Variants in FAT4 observed in about 807,000 individuals in gnomAD.
FAT4 encodes the protein FAT atypical cadherin 4.
In FAT4, 84 loss-of-function variants were observed where a neutral mutation model predicts 303.9. The ratio of observed to expected loss-of-function variants is 0.28; its 90% CI spans 0.23 to 0.33. The LOEUF (loss-of-function observed/expected upper bound fraction) is 0.33, where lower values mean the gene tolerates loss of function less well. Ranked by LOEUF, FAT4 falls within the 10% of genes least tolerant of loss-of-function variation. FAT4 has a pLI of 1.00. For missense variants in FAT4, 6,005 were observed against 6,146.8 expected (o/e 0.98, Z 0.77); for synonymous variants, 2,307 against 2,298.8 (o/e 1.00, Z -0.10).
At chr4:125,336,047 T>C (rs190870745) in intron 2 of FAT4, among the ~76,000 whole-genome samples, 66 of 152,214 alleles carry the variant, frequency 4.3e-4, no homozygotes, top group Admixed American at 4.0e-3. Context: ...ATAGCTACTG[T>C]TCATACAAAA....
intron 2 of FAT4, among the ~76,000 whole-genome samples, chr4:125,376,899 T>C (rs1733348127): frequency 6.6e-6 from 1 of 151,928 alleles, no homozygotes; most frequent in Non-Finnish European, 1.5e-5. Flanking sequence ...AATAAATAAA[T>C]AAATAACAAT....
chr4:125,325,153 T>C (rs954141272), intron 2 of FAT4, among the ~76,000 whole-genome samples: 2 of 152,190 alleles, frequency 1.3e-5, no homozygotes, highest in African/African-American at 4.8e-5. Flanking sequence ...TCTTAAGACT[T>C]ACTTGCAGTG....
chr4:125,393,517 A>C (rs868357867), intron 2 of FAT4, among the ~76,000 whole-genome samples: 1 of 152,316 alleles, frequency 6.6e-6, no homozygotes, highest in African/African-American at 2.4e-5. Flanking sequence ...TTGTATGCTG[A>C]AACATTTAAA....
chr4:125,484,935 C>A (rs1395239), intron 16 of FAT4, among the ~76,000 whole-genome samples: 1 of 151,698 alleles, frequency 6.6e-6, no homozygotes. Flanking sequence ...TCACTGCAGC[C>A]TCTGCCTCCT....
At chr4:125,435,260 A>G (rs1725413625) in intron 8 of FAT4, among the ~76,000 whole-genome samples, 1 of 152,166 alleles carries the variant, frequency 6.6e-6, no homozygotes, top group Non-Finnish European at 1.5e-5. Context: ...CCCTTCTTCC[A>G]TATCTATTCT....
At chr4:125,472,922 A>G (rs1411758610) in intron 12 of FAT4, among the ~76,000 whole-genome samples, 1 of 152,164 alleles carries the variant, frequency 6.6e-6, no homozygotes, top group Non-Finnish European at 1.5e-5. Context: ...AGAAAACAAC[A>G]GAAGTATTGT....
At chr4:125,477,823 T>C (rs2126084313) in intron 14 of FAT4, among the ~76,000 whole-genome samples, 1 of 152,246 alleles carries the variant, frequency 6.6e-6, no homozygotes, top group Non-Finnish European at 1.5e-5. Context: ...TGATTATTAA[T>C]TAGGTTTCTA....
intron 7 of FAT4, among the ~76,000 whole-genome samples, chr4:125,416,897 G>A (rs1254158303): frequency 6.6e-6 from 1 of 150,792 alleles, no homozygotes; most frequent in Non-Finnish European, 1.5e-5. Context: ...AGTGAGCCGA[G>A]ATCACACCAC....
At chr4:125,427,569 A>AG (rs1553924993) in intron 7 of FAT4, among the ~76,000 whole-genome samples, 1 of 151,976 alleles carries the variant, frequency 6.6e-6, no homozygotes, top group Non-Finnish European at 1.5e-5. Context: ...TGTTTTATGT[A>AG]TTTTTTGTAT....
intron 7 of FAT4, among the ~76,000 whole-genome samples, chr4:125,430,418 G>A (rs1224433344): frequency 6.6e-6 from 1 of 152,148 alleles, no homozygotes; most frequent in African/African-American, 2.4e-5. Context: ...GCAAGATGTT[G>A]TAGTGGGATG....
rs1411150650 is a variant in FAT4, at chr4:125,446,432, C to T, written c.7339C>T (p.Pro2447Ser). 1.9e-6 allele frequency: 3 copies of T among 1,613,510 alleles called. No individual in the cohort carries two copies. In the South Asian group the frequency reaches 3.3e-5, roughly 18 times the overall value. Residue 2447 changes from proline (P) to serine (S), a missense_variant, in exon 9 of 18, where the codon CCT becomes TCT. Pro to Ser is a moderately conservative substitution (Grantham distance 74). Transcript: ENST00000394329. ...CTGCAGTGATGCGGGATCCCCAGAG[C>T]CTCTTTCCAGTTCCACCAGTGTGCT... ...VVCSDAGSPE[P>S]LSSSTSVLVT...
In FAT4 at chr4:125,316,627, C is replaced by T. The variant is rs749374178; in HGVS notation, c.216C>T (p.Tyr72=). Residue 72 remains tyrosine (Y), a synonymous_variant, in exon 2 of 18, where the codon TAC becomes TAT. Coordinates refer to ENST00000394329, the MANE Select transcript of FAT4 (RefSeq NM_001291303.3). This position sits in a 1 kb window ranked among gnomAD's most constrained non-coding sequence, Gnocchi z 5.7. ...GTIQTRPGFT[Y]RLSESHALFA... ...TCCAGACGCGCCCCGGCTTCACCTA[C>T]AGGCTCAGCGAAAGCCACGCCCTGT... 1.2e-6 allele frequency: 2 copies of T among 1,613,954 alleles called. No homozygotes were observed. The highest frequency in any genetic ancestry group is 2.2e-5 in the East Asian group (1 of 44,868).
intron 7 of FAT4, among the ~76,000 whole-genome samples, chr4:125,429,021 A>G (rs758566649): frequency 3.3e-5 from 5 of 152,144 alleles, no homozygotes; most frequent in Non-Finnish European, 7.4e-5. Flanking sequence ...ATAATTCATC[A>G]TTATCAGATC....
chr4:125,473,454 A>C (rs1348316327), intron 12 of FAT4, among the ~76,000 whole-genome samples: 5 of 152,136 alleles, frequency 3.3e-5, no homozygotes, highest in Admixed American at 2.6e-4. Flanking sequence ...TCTCTGGAAG[A>C]ATATAGATTT....
chr4:125,450,129 C>T lies in FAT4; in HGVS notation c.9119C>T (p.Thr3040Met), dbSNP rs778223332. 5.5e-5 allele frequency: 89 copies of T among 1,613,664 alleles called. No individual in the cohort carries two copies. The highest frequency in any genetic ancestry group is 1.8e-4 in the South Asian group (16 of 91,082). ...HLGKFKLDND[T>M]GWISVASSLI... ...GGAAAATTTAAGTTGGACAATGATACGGGGTGGATTTCAGTAGCATCCTCC... is the reference window on the plus strand; with the variant it reads ...GGAAAATTTAAGTTGGACAATGATATGGGGTGGATTTCAGTAGCATCCTCC... Residue 3040 changes from threonine to methionine, a missense_variant, in exon 10 of 18, where the codon ACG (threonine) becomes ATG (methionine). Physicochemically the swap from Thr to Met is moderately conservative, Grantham distance 81 (BLOSUM62 -1). Transcript: ENST00000394329.
At chr4:125,331,063 T>C (rs1012950277) in intron 2 of FAT4, among the ~76,000 whole-genome samples, 23 of 152,200 alleles carry the variant, frequency 1.5e-4, no homozygotes, top group African/African-American at 5.5e-4. Flanking sequence ...TGCAAAGTCC[T>C]TCTTCCCTCC....
In FAT4 at chr4:125,408,451, G is replaced by T. The variant is rs1367140142; in HGVS notation, c.5577G>T (p.Leu1859Phe). ...DIPEDTIPGS[L>F]VAAILATDDD... is the part of the protein sequence containing the mutation. ...AATTTATTCTTTTGATAGGTTCTTT[G>T]GTAGCAGCCATTTTAGCCACGGATG... Residue 1859 changes from leucine (L) to phenylalanine (F), a missense_variant, in exon 5 of 18, where the codon TTG becomes TTT. By Grantham distance (22) the Leu-to-Phe change is conservative. Coordinates refer to ENST00000394329, the MANE Select transcript of FAT4 (RefSeq NM_001291303.3). 3 of 1,586,354 alleles carry T rather than the reference G, an allele frequency of 1.9e-6. No homozygotes were observed. Among genetic ancestry groups the T allele is most frequent in the Non-Finnish European group, 1.7e-6 (2 of 1,166,212 alleles).
At chr4:125,403,129 A>T (rs1734450978) in intron 3 of FAT4, among the ~76,000 whole-genome samples, 1 of 152,104 alleles carries the variant, frequency 6.6e-6, no homozygotes, top group South Asian at 2.1e-4. Context: ...AATAACAACT[A>T]TCATTTTCCT....
At chr4:125,329,584 T>C in intron 2 of FAT4, among the ~76,000 whole-genome samples, 1 of 152,170 alleles carries the variant, frequency 6.6e-6, no homozygotes, top group East Asian at 1.9e-4. Flanking sequence ...CCCTTGAGGA[T>C]CTCAATCTCA....
Sources: gnomAD v4.1 joint callset for allele counts (sites outside exome capture counted in the v4.1 genomes callset) on GRCh38, gnomAD v4.1.1 for gene constraint, Gnocchi (gnomAD v3.1) non-coding constraint, MANE v1.5 for transcripts, NCBI Gene and HGNC (gene_info 2026-07-23, HGNC 2026-07-21) for gene names.